Variants in RSRC1 observed in about 807,000 individuals in gnomAD.
RSRC1 encodes arginine and serine rich coiled-coil 1.
Under a neutral mutation model 49.1 loss-of-function variants are expected in RSRC1, and 39 were observed. The observed-to-expected ratio is 0.79, with a 90% CI of 0.61 to 1.04. The LOEUF is 1.04. Ranked by LOEUF, RSRC1 falls within the 50% of genes least tolerant of loss-of-function variation. The probability of loss-of-function intolerance (pLI) is 0.00; values close to 1 mark genes in which losing one functional copy is unlikely to be tolerated. For synonymous variants in RSRC1, 143 were observed against 130.8 expected, an observed-to-expected ratio of 1.09 and a Z score of -0.63; for missense variants, 388 against 402.4, an observed-to-expected ratio of 0.96 and a Z score of 0.31.
intron 6 of RSRC1, among the ~76,000 whole-genome samples, chr3:158,367,589 A>G (rs944074599): frequency 6.6e-6 from 1 of 152,126 alleles, no homozygotes; most frequent in African/African-American, 2.4e-5. Context: ...AATATCCACT[A>G]TGGCCTAAAA....
At chr3:158,275,252 A>T (rs1245218318) in intron 4 of RSRC1, among the ~76,000 whole-genome samples, 1 of 152,192 alleles carries the variant, frequency 6.6e-6, no homozygotes, top group African/African-American at 2.4e-5. Flanking sequence ...CTTTTATGTG[A>T]ACTTAAAATG....
At chr3:158,521,430 G>A (rs1711666705) in intron 7 of RSRC1, among the ~76,000 whole-genome samples, 1 of 151,936 alleles carries the variant, frequency 6.6e-6, no homozygotes, top group Admixed American at 6.6e-5. Context: ...CTCATCCTCT[G>A]GATTTTTCAT....
intron 4 of RSRC1, among the ~76,000 whole-genome samples, chr3:158,224,633 G>A (rs1271975059): frequency 6.6e-6 from 1 of 151,710 alleles, no homozygotes; most frequent in East Asian, 1.9e-4. Flanking sequence ...CAGTGCAGGT[G>A]GGGTATAAAG....
chr3:158,116,027 T>C (rs1017228334), intron 1 of RSRC1, among the ~76,000 whole-genome samples: 4 of 152,234 alleles, frequency 2.6e-5, no homozygotes, highest in Non-Finnish European at 5.9e-5. Context: ...TTGGAAAATA[T>C]TGGCTCACTG....
chr3:158,310,186 T>G (rs1011288747), intron 5 of RSRC1, among the ~76,000 whole-genome samples: 14 of 151,562 alleles, frequency 9.2e-5, no homozygotes, highest in African/African-American at 2.7e-4. Flanking sequence ...TTACTTAATT[T>G]GAAAAGCACC....
intron 5 of RSRC1, among the ~76,000 whole-genome samples, chr3:158,346,519 A>G (rs1419613770): frequency 6.6e-6 from 1 of 152,226 alleles, no homozygotes; most frequent in East Asian, 1.9e-4. Flanking sequence ...ATGGATAATC[A>G]GTACATGAAA....
chr3:158,333,872 AAGAAGTTGAAAGAAAAGT>A (rs1312248566), intron 5 of RSRC1, among the ~76,000 whole-genome samples: 17 of 152,222 alleles, frequency 1.1e-4, no homozygotes, highest in African/African-American at 3.1e-4. Context: ...AGACAAAATA[AAGAAGTTGAAAGAAAAGT>A]AGAAGTTGAA....
At chr3:158,388,264 C>A (rs574628791) in intron 6 of RSRC1, among the ~76,000 whole-genome samples, 10 of 151,486 alleles carry the variant, frequency 6.6e-5, no homozygotes, top group Non-Finnish European at 1.5e-4. Flanking sequence ...AAAATTGATT[C>A]TTAGACATAA....
chr3:158,262,011 G>A (rs1724923668), intron 4 of RSRC1, among the ~76,000 whole-genome samples: 1 of 152,156 alleles, frequency 6.6e-6, no homozygotes, highest in African/African-American at 2.4e-5. Context: ...CCCATCCATG[G>A]AAAAATCGTC....
intron 8 of RSRC1, among the ~76,000 whole-genome samples, chr3:158,540,437 A>C (rs1576617024): frequency 6.6e-6 from 1 of 152,212 alleles, no homozygotes; most frequent in East Asian, 1.9e-4. Flanking sequence ...AAGAATTCCT[A>C]AACATACATG....
At chr3:158,309,348 A>G (rs1728009070) in intron 5 of RSRC1, among the ~76,000 whole-genome samples, 1 of 151,808 alleles carries the variant, frequency 6.6e-6, no homozygotes, top group African/African-American at 2.4e-5. Flanking sequence ...ATAAACCTCT[A>G]AGTTTTAAAC....
intron 5 of RSRC1, among the ~76,000 whole-genome samples, chr3:158,301,824 T>C (rs1012827617): frequency 2.0e-5 from 3 of 152,152 alleles, no homozygotes; most frequent in African/African-American, 7.2e-5. Context: ...ACATGTATGA[T>C]GTTAACATAC....
At chr3:158,110,986 AT>A (rs1714351236) in intron 1 of RSRC1, among the ~76,000 whole-genome samples, 1 of 152,232 alleles carries the variant, frequency 6.6e-6, no homozygotes, top group Non-Finnish European at 1.5e-5. Flanking sequence ...AAACAAAAAA[AT>A]ATTTTTTTAC....
At chr3:158,472,291 G>C (rs927408182) in intron 7 of RSRC1, among the ~76,000 whole-genome samples, 2 of 151,992 alleles carry the variant, frequency 1.3e-5, no homozygotes, top group Admixed American at 6.6e-5. Context: ...AAAATAACTT[G>C]AAATTGTGTT....
intron 7 of RSRC1, among the ~76,000 whole-genome samples, chr3:158,490,267 G>A (rs1450731988): frequency 6.6e-6 from 1 of 152,100 alleles, no homozygotes; most frequent in Non-Finnish European, 1.5e-5. Flanking sequence ...TGTGTTTTTA[G>A]TAGAGATGGG....
At chr3:158,470,183 C>A (rs142885597) in intron 7 of RSRC1, among the ~76,000 whole-genome samples, 9 of 152,030 alleles carry the variant, frequency 5.9e-5, no homozygotes, top group African/African-American at 2.2e-4. Flanking sequence ...AGTTGTCTTT[C>A]CCAATACATA....
chr3:158,286,419 T>G (rs955054304), intron 4 of RSRC1, among the ~76,000 whole-genome samples: 2 of 152,180 alleles, frequency 1.3e-5, no homozygotes, highest in Admixed American at 1.3e-4. Context: ...AATGAGCAGA[T>G]TATGTAAAGC....
intron 6 of RSRC1, among the ~76,000 whole-genome samples, chr3:158,450,661 GTAGCAGC>G (rs1367550851): frequency 6.6e-6 from 1 of 151,816 alleles, no homozygotes; most frequent in Admixed American, 6.6e-5. Context: ...ATATGCAGAA[GTAGCAGC>G]TATGTCCATA....
At chr3:158,125,260 T>C (rs1323810958) in intron 3 of RSRC1, among the ~76,000 whole-genome samples, 1 of 152,080 alleles carries the variant, frequency 6.6e-6, no homozygotes, top group Non-Finnish European at 1.5e-5. Context: ...ATTTTCTTTC[T>C]TTGGATAATT....
Sources: gnomAD v4.1 joint callset for allele counts (sites outside exome capture counted in the v4.1 genomes callset) on GRCh38, gnomAD v4.1.1 for gene constraint, MANE v1.5 for transcripts, NCBI Gene and HGNC (gene_info 2026-07-23, HGNC 2026-07-21) for gene names.